The following CSMD1 variants were observed in gnomAD, a reference collection of about 807,000 sequenced individuals.
The protein encoded by CSMD1 is CUB and sushi domain-containing protein 1.
Under a neutral mutation model 417.5 loss-of-function variants are expected in CSMD1, and 213 were observed. The ratio of observed to expected loss-of-function variants is 0.51; its 90% CI spans 0.46 to 0.57. CSMD1 has a LOEUF of 0.57. Among genes scored for constraint, CSMD1 ranks in the 20% least tolerant of loss-of-function variants. CSMD1 has a pLI of 0.00. For synonymous variants in CSMD1, 2,862 were observed against 1,736.8 expected, an observed-to-expected ratio of 1.65 and a Z score of -16.11; for missense variants, 6,923 against 4,529.7, an observed-to-expected ratio of 1.53 and a Z score of -15.17.
intron 1 of CSMD1, among the ~76,000 whole-genome samples, chr8:4,896,754 G>T (rs2117024594): frequency 6.6e-6 from 1 of 152,164 alleles, no homozygotes; most frequent in Middle Eastern, 3.4e-3. Flanking sequence ...AAGCAAGATT[G>T]AAGGAATAAG....
At chr8:4,514,514 A>T (rs1335227864) in intron 2 of CSMD1, among the ~76,000 whole-genome samples, 1 of 152,184 alleles carries the variant, frequency 6.6e-6, no homozygotes, top group South Asian at 2.1e-4. Context: ...CGAAGAGGGA[A>T]CATCGTGAGT....
rs557842329 is a variant in CSMD1 at position 3,536,506 on chromosome 8, T to C, written c.1344+38439A>G. Reference sequence around the variant, plus strand: ...TTAATGGGGATTATGTTTTTTCCTCTCCAGGGTATCTTCGAGGATTGGCCT... The same window carrying C: ...TTAATGGGGATTATGTTTTTTCCTCCCCAGGGTATCTTCGAGGATTGGCCT... On this transcript the variant is annotated intron_variant, in intron 10 of 69. Coordinates refer to ENST00000635120, the MANE Select transcript of CSMD1 (RefSeq NM_033225.6). Among the ~76,000 whole-genome samples the C allele has an allele frequency of 2.0e-5, 3 of 152,324 alleles. No individual in the cohort carries two copies. The South Asian group carries it at 6.2e-4, about 32-fold the overall frequency.
chr8:3,866,296 G>A lies in CSMD1; in HGVS notation c.819-112254C>T, dbSNP rs142637727. Reference sequence around the variant, plus strand: ...ATTTTTAAATAAATACTTCTTAAAAGGAAGCTGCTGTAAAAGGCTGGCTGA... The same window carrying A: ...ATTTTTAAATAAATACTTCTTAAAAAGAAGCTGCTGTAAAAGGCTGGCTGA... On this transcript the variant is annotated intron_variant, in intron 5 of 69. Coordinates refer to ENST00000635120, the MANE Select transcript of CSMD1 (RefSeq NM_033225.6). 1.8e-3 allele frequency among the ~76,000 whole-genome samples: 279 copies of A among 152,226 alleles called. 1 individual carries two copies. The highest frequency in any genetic ancestry group is 1.7e-3 in the Non-Finnish European group (114 of 68,022).
chr8:3,069,834 T>C (rs964910942), intron 49 of CSMD1, among the ~76,000 whole-genome samples: 1 of 152,236 alleles, frequency 6.6e-6, no homozygotes, highest in African/African-American at 2.4e-5. Flanking sequence ...AGAGGTTCTC[T>C]GTGAGGGCTC....
At chr8:4,678,989 C>T (rs534825351) in intron 1 of CSMD1, among the ~76,000 whole-genome samples, 2 of 152,228 alleles carry the variant, frequency 1.3e-5, no homozygotes, top group South Asian at 4.1e-4. Flanking sequence ...TGCCGACTCT[C>T]AACCTCACCC....
intron 3 of CSMD1, among the ~76,000 whole-genome samples, chr8:4,193,896 G>A (rs1297863088): frequency 1.3e-5 from 2 of 151,580 alleles, no homozygotes; most frequent in Non-Finnish European, 2.9e-5. Flanking sequence ...CCACCTCCAC[G>A]AAGGAAAGCG....
At chr8:4,311,358 A>G (rs188161943) in intron 3 of CSMD1, among the ~76,000 whole-genome samples, 12 of 152,326 alleles carry the variant, frequency 7.9e-5, no homozygotes, top group African/African-American at 2.9e-4. Flanking sequence ...AGCAACATGG[A>G]TGGAGCTGGA....
At chr8:3,160,260 C>T (rs1023317470) in intron 38 of CSMD1, among the ~76,000 whole-genome samples, 3 of 151,944 alleles carry the variant, frequency 2.0e-5, no homozygotes, top group Admixed American at 6.6e-5. Flanking sequence ...GTAACTGGGA[C>T]TAAAGGAATG....
chr8:3,039,764 C>T (rs185250628), intron 50 of CSMD1, among the ~76,000 whole-genome samples: 3 of 152,060 alleles, frequency 2.0e-5, no homozygotes, highest in East Asian at 1.9e-4. Flanking sequence ...AGTTACAGCA[C>T]GGCCTTAAAA....
At chr8:4,625,259 C>T (rs1009852557) in intron 2 of CSMD1, among the ~76,000 whole-genome samples, 2 of 151,980 alleles carry the variant, frequency 1.3e-5, no homozygotes, top group African/African-American at 2.4e-5. Context: ...GCTTGGAACG[C>T]CAGTTAATTT....
chr8:2,948,664 C>T (rs868654831), intron 68 of CSMD1, among the ~76,000 whole-genome samples: 1 of 151,960 alleles, frequency 6.6e-6, no homozygotes, highest in Non-Finnish European at 1.5e-5. Context: ...TTCTAAGTTC[C>T]ACTACTAAAA....
At chr8:4,373,169 C>T (rs1164099803) in intron 3 of CSMD1, among the ~76,000 whole-genome samples, 1 of 152,204 alleles carries the variant, frequency 6.6e-6, no homozygotes, top group Non-Finnish European at 1.5e-5. Flanking sequence ...CATGATACCC[C>T]TTGACCGGTG....
chr8:3,008,911 C>A (rs1003023858), intron 52 of CSMD1, among the ~76,000 whole-genome samples: 11 of 152,160 alleles, frequency 7.2e-5, no homozygotes, highest in African/African-American at 2.7e-4. Flanking sequence ...GCAGAGTGAA[C>A]ACCTCACATG....
chr8:4,547,864 G>A (rs1355506720), intron 2 of CSMD1, among the ~76,000 whole-genome samples: 7 of 152,106 alleles, frequency 4.6e-5, no homozygotes, highest in South Asian at 2.1e-4. Flanking sequence ...GGGATTGGAC[G>A]GGATATCCCA....
At chr8:3,892,834 T>C (rs1385551394) in intron 5 of CSMD1, among the ~76,000 whole-genome samples, 4 of 151,134 alleles carry the variant, frequency 2.6e-5, no homozygotes, top group Non-Finnish European at 5.9e-5. Context: ...CAAGTGCAGG[T>C]TCTGAGAATG....
At chr8:4,676,923 G>A (rs118187644) in intron 1 of CSMD1, among the ~76,000 whole-genome samples, 1 of 146,444 alleles carries the variant, frequency 6.8e-6, no homozygotes, top group Non-Finnish European at 1.5e-5. Flanking sequence ...TATATACATA[G>A]AGAGAGATGA....
rs550315845 is a variant in CSMD1 at position 4,116,571 on chromosome 8, G to C, written c.416-84472C>G. ...GCGCCATGAATGAACCCTAACGTAAGCTGTACACATCCGACAGTGATGTAT... is the reference window on the plus strand; with the variant it reads ...GCGCCATGAATGAACCCTAACGTAACCTGTACACATCCGACAGTGATGTAT... On this transcript the variant is annotated intron_variant, in intron 3 of 69. Coordinates refer to ENST00000635120, the MANE Select transcript of CSMD1 (RefSeq NM_033225.6). Among the ~76,000 whole-genome samples the C allele has an allele frequency of 7.0e-4, 52 of 74,610 alleles. 5 individuals are homozygous for C. The highest frequency in any genetic ancestry group is 6.5e-3 in the Middle Eastern group (1 of 154). The allele number at this position is 74,610 out of a possible 152,430, so 48.9% of individuals were successfully genotyped here.
At chr8:4,649,414 A>G (rs942059508) in intron 1 of CSMD1, among the ~76,000 whole-genome samples, 11 of 152,180 alleles carry the variant, frequency 7.2e-5, no homozygotes, top group African/African-American at 2.4e-4. Context: ...TATCATTCCT[A>G]TTTTACTGAT....
At chr8:3,538,093 A>C (rs1798278381) in intron 10 of CSMD1, among the ~76,000 whole-genome samples, 1 of 152,224 alleles carries the variant, frequency 6.6e-6, no homozygotes, top group Non-Finnish European at 1.5e-5. Flanking sequence ...CAGAGTTTTT[A>C]AAAGAGTGTT....
Sources: allele counts gnomAD v4.1 joint callset (sites outside exome capture counted in the v4.1 genomes callset), GRCh38; gene constraint gnomAD v4.1.1; transcripts MANE v1.5; gene names NCBI Gene and HGNC (gene_info 2026-07-23, HGNC 2026-07-21).